TUBA8: variants seen among roughly 807,000 people sequenced by gnomAD.
The protein encoded by TUBA8 is tubulin alpha 8.
TUBA8 carries 29 observed loss-of-function variants against 34.7 expected under a neutral mutation model. That is an observed-to-expected ratio of 0.84 (90% CI 0.62 to 1.14). The LOEUF (loss-of-function observed/expected upper bound fraction) is 1.14. Among genes scored for constraint, TUBA8 ranks in the 50% most tolerant of loss-of-function variants. TUBA8 has a pLI of 0.00. For missense variants in TUBA8, 541 were observed against 599.2 expected (o/e 0.90, Z 1.01); for synonymous variants, 226 against 231.2 (o/e 0.98, Z 0.21).
chr22:18,131,377 C>T lies in TUBA8; in HGVS notation c.*241C>T, dbSNP rs1183524713. ...AGAAAGTGAGGGCCACTGTCTCCGG[C>T]GGGTGAGGCTGCAGCCCAGTTTCAC... is the stretch of plus-strand genomic sequence containing the variant. On this transcript the variant is annotated 3_prime_UTR_variant, in exon 5 of 5. Coordinates refer to ENST00000330423, the MANE Select transcript of TUBA8 (RefSeq NM_018943.3). The surrounding 1 kb of genome is among the most constrained non-coding windows in gnomAD (Gnocchi z 5.3). The T allele has an allele frequency of 1.1e-5, 6 of 525,616 alleles. No individual in the cohort carries two copies. Among genetic ancestry groups the T allele is most frequent in the East Asian group, 3.4e-5 (1 of 29,540 alleles). 32.6% of individuals were successfully genotyped at this position (525,616 alleles called of 1,614,324 possible).
At position 18,126,402 on chromosome 22, in the gene TUBA8, G is replaced by T. The variant is rs767070149; in HGVS notation, c.424G>T (p.Gly142Cys). The T allele has an allele frequency of 5.0e-6, 8 of 1,614,022 alleles. No homozygotes were observed. Among genetic ancestry groups the T allele is most frequent in the Non-Finnish European group, 5.9e-6 (7 of 1,180,008 alleles). The change falls in exon 4 of 5, where the codon GGT (glycine) becomes TGT (cysteine). Residue 142 changes from glycine (G) to cysteine (C), a missense_variant. By Grantham distance (159) the Gly-to-Cys change is radical. Coordinates refer to ENST00000330423, the MANE Select transcript of TUBA8 (RefSeq NM_018943.3). This position sits in a 1 kb window ranked among gnomAD's most constrained non-coding sequence, Gnocchi z 4.0. ...GGGCTTCCTGATTTTCCACAGTTTTGGTGGGGGCACTGGCTCCGGCTTCAC... is the reference window on the plus strand; with the variant it reads ...GGGCTTCCTGATTTTCCACAGTTTTTGTGGGGGCACTGGCTCCGGCTTCAC... ...LQGFLIFHSF[G>C]GGTGSGFTSL...
chr22:18,122,568 G>A (rs1928178841), intron 2 of TUBA8: 1 of 152,160 alleles, frequency 6.6e-6, no homozygotes, highest in South Asian at 2.1e-4. Context: ...TCCGCTTTGT[G>A]TGGACCCTTG....
intron 3 of TUBA8, chr22:18,125,570 A>G (rs1928287411): frequency 2.0e-5 from 3 of 151,630 alleles, no homozygotes; most frequent in Admixed American, 2.0e-4. Context: ...TAACTTGCTC[A>G]AGTTCTTACA....
rs1462230646 is a variant in TUBA8, at chr22:18,124,304, G to A, written c.375G>A (p.Leu125=). Residue 125 remains leucine, a splice_region_variant and synonymous_variant, in exon 3 of 5, where the codon CTG becomes CTA. Transcript: ENST00000330423. The surrounding 1 kb of genome is among the most constrained non-coding windows in gnomAD (Gnocchi z 4.3). ...IDLVLDRIRK[L]TDACSGLQGF... Reference sequence around the variant, plus strand: ...TGGTGCTGGACCGCATACGGAAGCTGGTAAGATCAGGAGGGCAGGGGACGG... The same window carrying A: ...TGGTGCTGGACCGCATACGGAAGCTAGTAAGATCAGGAGGGCAGGGGACGG... 2 of 1,612,976 alleles carry A rather than the reference G, an allele frequency of 1.2e-6. No individual in the cohort carries two copies. Among genetic ancestry groups the A allele is most frequent in the Non-Finnish European group, 1.7e-6 (2 of 1,179,620 alleles).
rs898789381 is a variant in TUBA8, at chr22:18,118,595, G to C, written c.4-2884G>C. ...CGTCTCTCCAAGGAGCCCAGTTCCT[G>C]TTAGCAGGGATCTTCCTTCTCTCTT... On this transcript the variant is annotated intron_variant, in intron 1 of 4. Coordinates refer to ENST00000330423, the MANE Select transcript of TUBA8 (RefSeq NM_018943.3). The surrounding 1 kb of genome is among the most constrained non-coding windows in gnomAD (Gnocchi z 4.0). 1 of 152,244 alleles carries C rather than the reference G, an allele frequency of 6.6e-6. No homozygotes were observed. The highest frequency in any genetic ancestry group is 6.5e-5 in the Admixed American group (1 of 15,288). 9.4% of individuals were successfully genotyped at this position (152,244 alleles called of 1,614,324 possible).
Position 18,124,658 on chromosome 22 carries a change from T to C in TUBA8, c.375+354T>C, listed in dbSNP as rs1928260854. The stretch of plus-strand genomic sequence containing the variant: ...GAAGAGGAGAGGAAGAGATTGTTGA[T>C]ACATTTGGGCACTTACAAGTGCCAT... On this transcript the variant is annotated intron_variant, in intron 3 of 4. Coordinates refer to ENST00000330423, the MANE Select transcript of TUBA8 (RefSeq NM_018943.3). The surrounding 1 kb of genome is among the most constrained non-coding windows in gnomAD (Gnocchi z 4.3). The C allele has an allele frequency of 4.5e-6, 1 of 223,180 alleles. No homozygotes were observed. Among genetic ancestry groups the C allele is most frequent in the East Asian group, 9.4e-5 (1 of 10,636 alleles). The allele number at this position is 223,180 out of a possible 1,614,324, so 13.8% of individuals were successfully genotyped here.
chr22:18,117,285 A>C (rs1302866915), intron 1 of TUBA8: 1 of 152,256 alleles, frequency 6.6e-6, no homozygotes, highest in African/African-American at 2.4e-5. Context: ...TCTAAAAAAT[A>C]AGGATGTTTT....
chr22:18,116,624 C>G (rs1927983040), intron 1 of TUBA8: 1 of 152,232 alleles, frequency 6.6e-6, no homozygotes. Context: ...TGGCCCAGCT[C>G]TGGTATCCTA....
At chr22:18,130,419 T>A (rs775796176) in intron 4 of TUBA8, 1 of 173,424 alleles carries the variant, frequency 5.8e-6, no homozygotes, top group East Asian at 1.5e-4. Context: ...CCCATCTACT[T>A]TTTTTTTTGT....
At chr22:18,130,762 G>T in intron 4 of TUBA8, 81 bp from the exon 5 acceptor site, 1 of 1,590,812 alleles carries the variant, frequency 6.3e-7, no homozygotes, top group South Asian at 1.1e-5. Context: ...CATGCCAAGT[G>T]ACCAAGATGT....
At chr22:18,113,528 C>T (rs903952630) in intron 1 of TUBA8, 6 of 152,262 alleles carry the variant, frequency 3.9e-5, no homozygotes, top group Non-Finnish European at 7.3e-5. Context: ...AACACGGCTT[C>T]TTTAACTCCA....
At chr22:18,122,648 G>T (rs1928181091) in intron 2 of TUBA8, 1 of 152,022 alleles carries the variant, frequency 6.6e-6, no homozygotes, top group Admixed American at 6.5e-5. Context: ...ACATAGCTTT[G>T]CTTCCCATTA....
Position 18,124,393 on chromosome 22 carries a change from TCTGACCC to T in TUBA8, c.375+93_375+99del. On this transcript the variant is annotated intron_variant, in intron 3 of 4. Transcript: ENST00000330423. The surrounding 1 kb of genome is among the most constrained non-coding windows in gnomAD (Gnocchi z 4.3). ...TCTTTGATCAGGCTAGGGAGAGGCA[TCTGACCC>T]CTGGCTATAGGATGGAGCTCCTAAG... The T allele has an allele frequency of 6.9e-7, 1 of 1,449,928 alleles. No individual in the cohort carries two copies. Among genetic ancestry groups the T allele is most frequent in the Non-Finnish European group, 9.3e-7 (1 of 1,079,066 alleles). The allele number at this position is 1,449,928 out of a possible 1,614,324, so 89.8% of individuals were successfully genotyped here. A position where few individuals can be genotyped will look rare whatever the true frequency, so the allele number is the denominator to read the frequency against.
At position 18,110,818 on chromosome 22, in the gene TUBA8, G is replaced by C. The variant is rs1386090867; in HGVS notation, c.-48G>C. 6.5e-7 allele frequency: 1 copy of C among 1,537,704 alleles called. No individual in the cohort carries two copies. Among genetic ancestry groups the C allele is most frequent in the South Asian group, 1.2e-5 (1 of 84,174 alleles). On this transcript the variant is annotated 5_prime_UTR_variant, in exon 1 of 5. Coordinates refer to ENST00000330423, the MANE Select transcript of TUBA8 (RefSeq NM_018943.3). This position sits in a 1 kb window ranked among gnomAD's most constrained non-coding sequence, Gnocchi z 6.2. ...AGGCGGCTGTATCTGGAGCAGTCGG[G>C]GCGGGCAGGCCCAGCTGAGAGGTGC...
rs749089849 is a variant in TUBA8 at position 18,131,096 on chromosome 22, C to T, written c.1310C>T (p.Thr437Ile). ...ALEKDYEEVG[T>I]DSFEEENEGE... is the part of the protein sequence containing the mutation. ...GAGAAGGATTATGAAGAAGTGGGGA[C>T]TGATTCGTTTGAAGAAGAAAATGAA... The change falls in exon 5 of 5, where the codon ACT (threonine) becomes ATT (isoleucine). Residue 437 changes from threonine to isoleucine, a missense_variant. By Grantham distance (89) the Thr-to-Ile change is moderately conservative. Transcript: ENST00000330423. The surrounding 1 kb of genome is among the most constrained non-coding windows in gnomAD (Gnocchi z 5.3). 4 of 1,614,040 alleles carry T rather than the reference C, an allele frequency of 2.5e-6. No homozygotes were observed. Among genetic ancestry groups the T allele is most frequent in the Non-Finnish European group, 3.4e-6 (4 of 1,180,036 alleles).
Position 18,126,631 on chromosome 22 carries a change from A to T in TUBA8, c.653A>T (p.Asp218Val). 6.2e-7 allele frequency: 1 copy of T among 1,614,114 alleles called. No homozygotes were observed. Among genetic ancestry groups the T allele is most frequent in the Non-Finnish European group, 8.5e-7 (1 of 1,180,012 alleles). Residue 218 changes from aspartate (D) to valine (V), a missense_variant, in exon 4 of 5, where the codon GAC becomes GTC. Physicochemically the swap from Asp to Val is radical, Grantham distance 152 (BLOSUM62 -3). Transcript: ENST00000330423. This position sits in a 1 kb window ranked among gnomAD's most constrained non-coding sequence, Gnocchi z 4.0. The stretch of plus-strand genomic sequence containing the variant: ...TATGACATCTGCCGCAGGAACCTTG[A>T]CATTGAGCGCCCTACCTATACCAAC... ...AIYDICRRNLDIERPTYTNLN... is the reference protein window; with the variant it reads ...AIYDICRRNLVIERPTYTNLN...
Position 18,124,291 on chromosome 22 carries a change from G to C in TUBA8, c.362G>C (p.Arg121Pro). The stretch of plus-strand genomic sequence containing the variant: ...GAGAGCATTGACCTGGTGCTGGACC[G>C]CATACGGAAGCTGGTAAGATCAGGA... The part of the protein sequence containing the change: ...GKESIDLVLD[R>P]IRKLTDACSG... Residue 121 changes from arginine to proline, a missense_variant, in exon 3 of 5, where the codon CGC (arginine) becomes CCC (proline). Coordinates refer to ENST00000330423, the MANE Select transcript of TUBA8 (RefSeq NM_018943.3). The surrounding 1 kb of genome is among the most constrained non-coding windows in gnomAD (Gnocchi z 4.3). 1 of 1,613,654 alleles carries C rather than the reference G, an allele frequency of 6.2e-7. No individual in the cohort carries two copies. The highest frequency in any genetic ancestry group is 8.5e-7 in the Non-Finnish European group (1 of 1,179,844).
In TUBA8 at chr22:18,126,285, G is replaced by C. The variant is rs1928313482; in HGVS notation, c.376-69G>C. 6.7e-7 allele frequency: 1 copy of C among 1,500,898 alleles called. No homozygotes were observed. The highest frequency in any genetic ancestry group is 9.3e-7 in the Non-Finnish European group (1 of 1,078,680). The allele number at this position is 1,500,898 out of a possible 1,614,324, so 93.0% of individuals were successfully genotyped here. On this transcript the variant is annotated intron_variant, in intron 3 of 4. Coordinates refer to ENST00000330423, the MANE Select transcript of TUBA8 (RefSeq NM_018943.3). This position sits in a 1 kb window ranked among gnomAD's most constrained non-coding sequence, Gnocchi z 4.0. ...TGAGGCAGACAGAGTGGGCGGTCTG[G>C]CTTTTTTACTGTGGGGTGTTCTCGG...
rs1927817607 is a variant in TUBA8, at chr22:18,111,674, C to G, written c.3+806C>G. 1 of 152,160 alleles carries G rather than the reference C, an allele frequency of 6.6e-6. No individual in the cohort carries two copies. Among genetic ancestry groups the G allele is most frequent in the African/African-American group, 2.4e-5 (1 of 41,384 alleles). The allele number at this position is 152,160 out of a possible 1,614,324, so 9.4% of individuals were successfully genotyped here. ...TGCCCCTGGTGGTTAACATTTGCCC[C>G]CAGTCCACTTTCCCAAAGCCCAGAA... is the stretch of plus-strand genomic sequence containing the variant. On this transcript the variant is annotated intron_variant, in intron 1 of 4. Coordinates refer to ENST00000330423, the MANE Select transcript of TUBA8 (RefSeq NM_018943.3). This position sits in a 1 kb window ranked among gnomAD's most constrained non-coding sequence, Gnocchi z 5.1.
Sources: gnomAD v4.1 joint callset for allele counts on GRCh38, gnomAD v4.1.1 for gene constraint, Gnocchi (gnomAD v3.1) non-coding constraint, MANE v1.5 for transcripts, NCBI Gene and HGNC (gene_info 2026-07-23, HGNC 2026-07-21) for gene names.